Variants in TSC1 observed in about 807,000 individuals in gnomAD.
TSC1 encodes the protein TSC complex subunit 1.
A neutral mutation model predicts 124.3 loss-of-function variants in TSC1; 20 were observed. That is an observed-to-expected ratio of 0.16 (90% CI 0.11 to 0.23). TSC1 has a LOEUF of 0.23. Among genes scored for constraint, TSC1 ranks in the 10% least tolerant of loss-of-function variants. The pLI, the probability that TSC1 is intolerant of heterozygous loss-of-function variation, is 1.00. For synonymous variants in TSC1, 493 were observed against 539.1 expected, an observed-to-expected ratio of 0.91 and a Z score of 1.19; for missense variants, 1,124 against 1,448.5, an observed-to-expected ratio of 0.78 and a Z score of 3.64.
intron 11 of TSC1, 81 bp downstream of exon 11, chr9:132,910,921 C>G: frequency 7.1e-7 from 1 of 1,404,226 alleles, no homozygotes; most frequent in Admixed American, 1.7e-5. Flanking sequence ...CAAGTGGTCC[C>G]TTAGATCTAA....
rs1008988937 is a variant in TSC1, at chr9:132,926,631, A to C, written c.210+570T>G. The C allele has an allele frequency of 5.0e-5, 8 of 158,556 alleles. No homozygotes were observed. In the South Asian group the frequency reaches 1.3e-3, roughly 25 times the overall value. The allele number at this position is 158,556 out of a possible 1,614,324, so 9.8% of individuals were successfully genotyped here. A position where few individuals can be genotyped will look rare whatever the true frequency, so the allele number is the denominator to read the frequency against. ...TTGAAAGATGGGTACCTATGGGCCA[A>C]ATCATCACTATACAATTATAGTACT... On this transcript the variant is annotated intron_variant, in intron 4 of 22. Transcript: ENST00000298552.
At chr9:132,933,915 TA>T (rs1322374768) in intron 2 of TSC1, among the ~76,000 whole-genome samples, 1 of 152,132 alleles carries the variant, frequency 6.6e-6, no homozygotes, top group African/African-American at 2.4e-5. Flanking sequence ...AGTGGACTTC[TA>T]AAAAAGGAAC....
intron 1 of TSC1, among the ~76,000 whole-genome samples, chr9:132,938,053 TTTTAA>T (rs1205905769): frequency 1.3e-5 from 2 of 152,228 alleles, no homozygotes; most frequent in Admixed American, 6.5e-5. Context: ...ATGTTAAGAC[TTTTAA>T]TTTCTTTATT....
chr9:132,914,886 A>G (rs1846185846), intron 8 of TSC1, among the ~76,000 whole-genome samples: 1 of 151,770 alleles, frequency 6.6e-6, no homozygotes, highest in African/African-American at 2.4e-5. Flanking sequence ...AAAGAAAATC[A>G]TGCTTTCAGC....
Position 132,895,648 on chromosome 9 carries a change from G to A in TSC1, c.*587C>T, listed in dbSNP as rs559148790. The A allele has an allele frequency of 4.2e-6, 1 of 236,382 alleles. No homozygotes were observed. The highest frequency in any genetic ancestry group is 1.7e-4 in the South Asian group (1 of 5,726). The allele number at this position is 236,382 out of a possible 1,614,324, so 14.6% of individuals were successfully genotyped here. A position where few individuals can be genotyped will look rare whatever the true frequency, so the allele number is the denominator to read the frequency against. On this transcript the variant is annotated 3_prime_UTR_variant, in exon 23 of 23. Coordinates refer to ENST00000298552, the MANE Select transcript of TSC1 (RefSeq NM_000368.5). ...TATCAGAACTGCCAAAAGAATGCAA[G>A]TATGAATAAACCGTTGTTCTTCTAG...
At chr9:132,922,264 C>A (rs1378631828) in intron 6 of TSC1, among the ~76,000 whole-genome samples, 1 of 152,198 alleles carries the variant, frequency 6.6e-6, no homozygotes, top group East Asian at 1.9e-4. Context: ...TCAGCCACTG[C>A]CCAAAAAGGA....
rs1321164679 is a variant in TSC1, at chr9:132,895,599, TTACACAGAACTTTC to T, written c.*622_*635del. ...CCAGATTTCTGAAACAGGCTTCTGT[TTACACAGAACTTTC>T]TAGGAAGCTTATCAGAACTGCCAAA... On this transcript the variant is annotated 3_prime_UTR_variant, in exon 23 of 23. Transcript: ENST00000298552. The T allele has an allele frequency of 4.3e-6, 1 of 234,730 alleles. No individual in the cohort carries two copies. The highest frequency in any genetic ancestry group is 8.4e-6 in the Non-Finnish European group (1 of 119,134). 14.5% of individuals were successfully genotyped at this position (234,730 alleles called of 1,614,324 possible). A position where few individuals can be genotyped will look rare whatever the true frequency, so the allele number is the denominator to read the frequency against.
chr9:132,917,649 T>G (rs575368793), intron 8 of TSC1, among the ~76,000 whole-genome samples: 1 of 151,828 alleles, frequency 6.6e-6, no homozygotes, highest in Non-Finnish European at 1.5e-5. Context: ...AAAAAAAAAT[T>G]TTTTTTAATT....
chr9:132,936,025 C>G (rs559120611), intron 1 of TSC1, among the ~76,000 whole-genome samples: 1 of 152,146 alleles, frequency 6.6e-6, no homozygotes, highest in African/African-American at 2.4e-5. Flanking sequence ...AGGGAGAGAC[C>G]GCAGCTTACT....
Position 132,903,367 on chromosome 9 carries a change from G to A in TSC1, c.2208+284C>T, listed in dbSNP as rs1458923665. ...TGTGCCATGAAATAGCTTTACAAGAGTTGGTTTTACATTTGGAGAAATAAA... is the reference window on the plus strand; with the variant it reads ...TGTGCCATGAAATAGCTTTACAAGAATTGGTTTTACATTTGGAGAAATAAA... On this transcript the variant is annotated intron_variant, in intron 17 of 22. Transcript: ENST00000298552. The surrounding 1 kb of genome is among the most constrained non-coding windows in gnomAD (Gnocchi z 5.9). Among the ~76,000 whole-genome samples, 5 of 152,198 alleles carry A rather than the reference G, an allele frequency of 3.3e-5. No homozygotes were observed. Among genetic ancestry groups the A allele is most frequent in the Non-Finnish European group, 7.3e-5 (5 of 68,042 alleles).
rs2131626958 is a variant in TSC1 at position 132,897,291 on chromosome 9, C to T, written c.2868G>A (p.Gln956=). 1 of 1,614,200 alleles carries T rather than the reference C, an allele frequency of 6.2e-7. No individual in the cohort carries two copies. The highest frequency in any genetic ancestry group is 8.5e-7 in the Non-Finnish European group (1 of 1,180,032). ...AATCTAAGATCTCCAATTCAAACAC[C>T]TGGGTTATCCTTTTCTGAGCCTCAT... The part of the protein sequence containing the change: ...SRYEAQKRIT[Q]VFELEILDLY... The change falls in exon 22 of 23, where the codon CAG becomes CAA. Residue 956 remains glutamine, a synonymous_variant. Coordinates refer to ENST00000298552, the MANE Select transcript of TSC1 (RefSeq NM_000368.5).
Position 132,921,206 on chromosome 9 carries a change from ACT to A in TSC1, c.737+155_737+156del, listed in dbSNP as rs1171165566. 1.3e-5 allele frequency among the ~76,000 whole-genome samples: 2 copies of A among 152,010 alleles called. No homozygotes were observed. The highest frequency in any genetic ancestry group is 2.9e-5 in the Non-Finnish European group (2 of 68,016). ...TCCGCCTGTGAAGAGTATGTTTTAA[ACT>A]CACACAAATTTTAGCTGTATGAGTG... On this transcript the variant is annotated intron_variant, in intron 8 of 22. Transcript: ENST00000298552. The surrounding 1 kb of genome is among the most constrained non-coding windows in gnomAD (Gnocchi z 4.3).
chr9:132,944,625 C>T (rs561295374), upstream of TSC1: 2 of 398,856 alleles, frequency 5.0e-6, no homozygotes, highest in South Asian at 1.3e-4. Context: ...ACAGCACCTC[C>T]CCCGTCGTGA....
chr9:132,937,427 G>A (rs1847513645), intron 1 of TSC1, among the ~76,000 whole-genome samples: 1 of 152,186 alleles, frequency 6.6e-6, no homozygotes, highest in Admixed American at 6.5e-5. Context: ...TGGGCAACAA[G>A]AGCAAAACTC....
chr9:132,929,067 G>C (rs752520130), intron 2 of TSC1, 115 bp from the exon 3 acceptor site: 2 of 850,904 alleles, frequency 2.4e-6, no homozygotes, highest in Non-Finnish European at 3.5e-6. Flanking sequence ...AGTTTGGCCA[G>C]AATTCTCTGA....
Position 132,902,684 on chromosome 9 carries a change from A to G in TSC1, c.2312T>C (p.Met771Thr), listed in dbSNP as rs760208449. 7 of 1,614,034 alleles carry G rather than the reference A, an allele frequency of 4.3e-6. No individual in the cohort carries two copies. The highest frequency in any genetic ancestry group is 5.9e-6 in the Non-Finnish European group (7 of 1,180,040). ...GATCTGGCTGTGGAGCTTGGTTACCATAGTGTCACGCTGCTCCTGGAGCTG... is the reference window on the plus strand; with the variant it reads ...GATCTGGCTGTGGAGCTTGGTTACCGTAGTGTCACGCTGCTCCTGGAGCTG... The part of the protein sequence containing the change: ...YNQLQEQRDT[M>T]VTKLHSQIRQ... Residue 771 changes from methionine to threonine, a missense_variant, in exon 18 of 23, where the codon ATG becomes ACG. Physicochemically the swap from Met to Thr is moderately conservative, Grantham distance 81 (BLOSUM62 -1). Coordinates refer to ENST00000298552, the MANE Select transcript of TSC1 (RefSeq NM_000368.5). The surrounding 1 kb of genome is among the most constrained non-coding windows in gnomAD (Gnocchi z 5.2).
Position 132,895,430 on chromosome 9 carries a change from T to C in TSC1, c.*805A>G. ...CCCAGTGACTGCTCCTTCCCTCCTA[T>C]GGAGAACAGGTTTTACCACCTACAC... On this transcript the variant is annotated 3_prime_UTR_variant, in exon 23 of 23. Transcript: ENST00000298552. 1 of 233,630 alleles carries C rather than the reference T, an allele frequency of 4.3e-6. No individual in the cohort carries two copies. Among genetic ancestry groups the C allele is most frequent in the Non-Finnish European group, 8.5e-6 (1 of 118,072 alleles). 14.5% of individuals were successfully genotyped at this position (233,630 alleles called of 1,614,324 possible).
rs1275474831 is a variant in TSC1 at position 132,907,335 on chromosome 9, G to C, written c.1299C>G (p.His433Gln). ...TGTCATTCAGAAGATGGTGTTGTCT[G>C]TGTAGACATGGTCTTGCAGAATCCA... ...ERMDSARPCL[H>Q]RQHHLLNDRG... is the part of the protein sequence containing the mutation. Residue 433 changes from histidine (H) to glutamine (Q), a missense_variant, in exon 13 of 23, where the codon CAC becomes CAG. His to Gln is a conservative substitution (Grantham distance 24). Coordinates refer to ENST00000298552, the MANE Select transcript of TSC1 (RefSeq NM_000368.5). 1 of 1,614,136 alleles carries C rather than the reference G, an allele frequency of 6.2e-7. No individual in the cohort carries two copies. The highest frequency in any genetic ancestry group is 8.5e-7 in the Non-Finnish European group (1 of 1,179,978).
intron 8 of TSC1, among the ~76,000 whole-genome samples, chr9:132,920,700 C>A (rs1846506382): frequency 6.6e-6 from 1 of 151,902 alleles, no homozygotes; most frequent in Non-Finnish European, 1.5e-5. Flanking sequence ...GCTCCCCTAA[C>A]TGGGGAGCAT....
Sources: gnomAD v4.1 joint callset for allele counts (sites outside exome capture counted in the v4.1 genomes callset) on GRCh38, gnomAD v4.1.1 for gene constraint, Gnocchi (gnomAD v3.1) non-coding constraint, MANE v1.5 for transcripts, NCBI Gene and HGNC (gene_info 2026-07-23, HGNC 2026-07-21) for gene names.